SNCAIP: variants seen among roughly 807,000 people sequenced by gnomAD.
SNCAIP encodes the protein synuclein alpha interacting protein.
A neutral mutation model predicts 86.7 loss-of-function variants in SNCAIP; 43 were observed. The observed-to-expected ratio is 0.50, with a 90% CI of 0.39 to 0.64. The LOEUF is 0.64. Among genes scored for constraint, SNCAIP ranks in the 30% least tolerant of loss-of-function variants. The pLI is 0.00. For synonymous variants in SNCAIP, 417 were observed against 427.2 expected, an observed-to-expected ratio of 0.98 and a Z score of 0.29; for missense variants, 981 against 1,103.1, an observed-to-expected ratio of 0.89 and a Z score of 1.57.
chr5:122,450,861 C>T lies in SNCAIP; in HGVS notation c.2014C>T (p.Gln672Ter). ...GTTAGCCAGGCTGAGACAGCTGATG[C>T]AGAGGTCACTGAGTGAGTCTGACAC... ...LKLARLRQLM[Q>*]RSLSESDTDS... Residue 672 changes from glutamine to a stop codon, truncating the protein, a stop_gained, in exon 10 of 11, where the codon CAG (glutamine) becomes TAG (stop). Coordinates refer to ENST00000261368, the MANE Select transcript of SNCAIP (RefSeq NM_005460.4). LOFTEE classifies it high-confidence loss of function. 1 of 1,614,048 alleles carries T rather than the reference C, an allele frequency of 6.2e-7. No homozygotes were observed. The highest frequency in any genetic ancestry group is 8.5e-7 in the Non-Finnish European group (1 of 1,179,966).
chr5:122,453,132 C>A (rs1290248315), intron 10 of SNCAIP: 3 of 571,060 alleles, frequency 5.3e-6, no homozygotes, highest in Non-Finnish European at 9.4e-6. Context: ...ACTATTCCCC[C>A]AAGTAGAAGC....
intron 1 of SNCAIP, among the ~76,000 whole-genome samples, chr5:122,340,779 A>G (rs996497838): frequency 1.3e-5 from 2 of 152,232 alleles, no homozygotes; most frequent in Non-Finnish European, 2.9e-5. Context: ...GCACATAATC[A>G]TATGTCAATT....
intron 10 of SNCAIP, among the ~76,000 whole-genome samples, chr5:122,456,813 G>A (rs1247874518): frequency 1.3e-5 from 2 of 152,214 alleles, no homozygotes; most frequent in Non-Finnish European, 2.9e-5. Context: ...TGTGGGTGTT[G>A]TTACCAAACT....
intron 1 of SNCAIP, chr5:122,369,755 C>T (rs1220004009): frequency 3.9e-5 from 6 of 152,210 alleles, no homozygotes; most frequent in African/African-American, 1.4e-4. Flanking sequence ...TCTGGACCTT[C>T]TTGGCTCTGG....
Position 122,423,571 on chromosome 5 carries a change from C to G in SNCAIP, c.834C>G (p.Cys278Trp), listed in dbSNP as rs1339569247. 2 of 1,614,052 alleles carry G rather than the reference C, an allele frequency of 1.2e-6. No homozygotes were observed. The highest frequency in any genetic ancestry group is 2.7e-5 in the African/African-American group (2 of 74,940). Residue 278 changes from cysteine to tryptophan, a missense_variant, in exon 4 of 11, where the codon TGC becomes TGG. Physicochemically the swap from Cys to Trp is radical, Grantham distance 215. Coordinates refer to ENST00000261368, the MANE Select transcript of SNCAIP (RefSeq NM_005460.4). ...AAGTTGAGAAGACAACACCAGACTG[C>G]CAGCTCAGGGCCTTCCACCTACAAT... is the stretch of plus-strand genomic sequence containing the variant. ...GRKVEKTTPD[C>W]QLRAFHLQSS...
At chr5:122,401,213 C>A (rs1303804126) in intron 2 of SNCAIP, 1 of 1,319,268 alleles carries the variant, frequency 7.6e-7, no homozygotes, top group African/African-American at 1.5e-5. Flanking sequence ...CATTTCAGCT[C>A]CCAGATGGTA....
intron 1 of SNCAIP, among the ~76,000 whole-genome samples, chr5:122,352,456 C>T (rs1213046164): frequency 6.6e-6 from 1 of 152,094 alleles, no homozygotes; most frequent in Non-Finnish European, 1.5e-5. Context: ...TACAAATGTG[C>T]TTAGTATGAA....
At chr5:122,399,869 T>C (rs1328728617) in intron 2 of SNCAIP, among the ~76,000 whole-genome samples, 1 of 152,126 alleles carries the variant, frequency 6.6e-6, no homozygotes, top group Admixed American at 6.5e-5. Context: ...AACAGATCGC[T>C]GGGCCCCACC....
intron 1 of SNCAIP, chr5:122,321,241 T>TA (rs1343744352): frequency 6.6e-6 from 1 of 152,240 alleles, no homozygotes; most frequent in Non-Finnish European, 1.5e-5. Context: ...GTAATCCATA[T>TA]AAAAAATCAT....
chr5:122,421,900 T>C (rs1428004361), intron 3 of SNCAIP, among the ~76,000 whole-genome samples: 1 of 151,980 alleles, frequency 6.6e-6, no homozygotes, highest in African/African-American at 2.4e-5. Context: ...GGCTCTTATC[T>C]TTCACCTCCA....
At chr5:122,419,024 G>T (rs942191533) in intron 3 of SNCAIP, among the ~76,000 whole-genome samples, 4 of 152,174 alleles carry the variant, frequency 2.6e-5, no homozygotes, top group Non-Finnish European at 4.4e-5. Flanking sequence ...AGGACTTGGT[G>T]CCTGAGCGAT....
At chr5:122,358,416 G>T (rs1443354553) in intron 1 of SNCAIP, among the ~76,000 whole-genome samples, 2 of 136,536 alleles carry the variant, frequency 1.5e-5, no homozygotes, top group Non-Finnish European at 3.0e-5. Flanking sequence ...CATTGTAATG[G>T]GATGCCTTCT....
intron 1 of SNCAIP, among the ~76,000 whole-genome samples, chr5:122,363,713 T>G (rs1762626796): frequency 6.6e-6 from 1 of 152,030 alleles, no homozygotes; most frequent in Non-Finnish European, 1.5e-5. Context: ...TTGGTTGGTT[T>G]AATAGTTTGG....
At chr5:122,391,045 G>T in intron 1 of SNCAIP, 44 bp from the exon 2 acceptor site, 1 of 1,029,618 alleles carries the variant, frequency 9.7e-7, no homozygotes. Context: ...GTTGTAAAAC[G>T]GCTAAATTTT....
chr5:122,367,026 G>A (rs1763327085), intron 1 of SNCAIP, among the ~76,000 whole-genome samples: 1 of 152,152 alleles, frequency 6.6e-6, no homozygotes, highest in Non-Finnish European at 1.5e-5. Context: ...ATGATTGGAT[G>A]TACAGGTGAG....
chr5:122,350,962 T>C (rs1303679196), intron 1 of SNCAIP, among the ~76,000 whole-genome samples: 1 of 152,234 alleles, frequency 6.6e-6, no homozygotes, highest in Non-Finnish European at 1.5e-5. Context: ...TGTTGAGTGC[T>C]CTTGACTTTC....
chr5:122,423,206 C>A lies in SNCAIP; in HGVS notation c.469C>A (p.Pro157Thr). Residue 157 changes from proline to threonine, a missense_variant, in exon 4 of 11, where the codon CCT becomes ACT. Pro to Thr is a conservative substitution (Grantham distance 38, BLOSUM62 -1). Transcript: ENST00000261368. ...DLDMDEILDV[P>T]YIKSSQQLAS... ...CGACATGGATGAGATTCTGGATGTGCCTTATATTAAATCCAGTCAGCAGCT... is the reference window on the plus strand; with the variant it reads ...CGACATGGATGAGATTCTGGATGTGACTTATATTAAATCCAGTCAGCAGCT... The A allele has an allele frequency of 1.2e-6, 2 of 1,614,078 alleles. No individual in the cohort carries two copies. Among genetic ancestry groups the A allele is most frequent in the Non-Finnish European group, 1.7e-6 (2 of 1,179,968 alleles).
chr5:122,381,138 G>A (rs1364475812), intron 1 of SNCAIP, among the ~76,000 whole-genome samples: 1 of 143,668 alleles, frequency 7.0e-6, no homozygotes, highest in East Asian at 2.1e-4. Context: ...GTTGACAGTG[G>A]GGTGTTAAAG....
intron 1 of SNCAIP, among the ~76,000 whole-genome samples, chr5:122,317,148 G>T (rs1751919752): frequency 6.6e-6 from 1 of 152,062 alleles, no homozygotes; most frequent in Admixed American, 6.6e-5. Context: ...ATGTTTTAAG[G>T]TACTCTTGTC....
Sources: gnomAD v4.1 joint callset for allele counts (sites outside exome capture counted in the v4.1 genomes callset) on GRCh38, gnomAD v4.1.1 for gene constraint, MANE v1.5 for transcripts, NCBI Gene and HGNC (gene_info 2026-07-23, HGNC 2026-07-21) for gene names.